Variants in LAMB3 observed in about 807,000 individuals in gnomAD.
LAMB3 encodes laminin subunit beta-3.
LAMB3 carries 104 observed loss-of-function variants against 140.3 expected under a neutral mutation model. The ratio of observed to expected loss-of-function variants is 0.74; its 90% CI spans 0.63 to 0.87. The LOEUF (loss-of-function observed/expected upper bound fraction) is 0.87, where lower values mean the gene tolerates loss of function less well. LAMB3 is among the 40% of genes least tolerant of loss of function. The pLI is 0.00. For missense variants in LAMB3, 1,531 were observed against 1,575.2 expected (o/e 0.97, Z 0.47); for synonymous variants, 592 against 602.9 (o/e 0.98, Z 0.26).
In LAMB3 at chr1:209,647,322, C is replaced by T. The variant is rs145322870; in HGVS notation, c.183+2642G>A. On this transcript the variant is annotated intron_variant, in intron 3 of 22. Transcript: ENST00000356082. ...CTTGGAGGAAGGGAACTAGGAGAGA[C>T]AATTTTGGAACTAAAAGGAGTCTCT... 4.9e-3 allele frequency among the ~76,000 whole-genome samples: 753 copies of T among 152,334 alleles called. 3 individuals are homozygous for T. Among genetic ancestry groups the T allele is most frequent in the African/African-American group, 0.014 (574 of 41,576 alleles).
At chr1:209,651,053 G>T (rs2076562674) in intron 1 of LAMB3, 72 bp from the exon 2 acceptor site, 2 of 995,312 alleles carry the variant, frequency 2.0e-6, no homozygotes, top group Non-Finnish European at 3.2e-6. Flanking sequence ...TTTCTTTTCT[G>T]TTTCTAGACT....
intron 3 of LAMB3, among the ~76,000 whole-genome samples, chr1:209,643,317 T>C (rs2076487601): frequency 6.6e-6 from 1 of 151,490 alleles, no homozygotes; most frequent in African/African-American, 2.4e-5. Flanking sequence ...TGCCCCCATC[T>C]CTCCCAGTGA....
chr1:209,624,086 G>T, intron 14 of LAMB3, 86 bp from the exon 15 acceptor site: 2 of 1,210,954 alleles, frequency 1.7e-6, no homozygotes, highest in Non-Finnish European at 2.4e-6. Context: ...AACTGCTACT[G>T]AGTCAGAACA....
chr1:209,622,443 T>G (rs12073223), intron 18 of LAMB3, 93 bp downstream of exon 18: 56,204 of 1,471,646 alleles, frequency 0.038, 2,855 homozygotes, highest in East Asian at 0.26. Flanking sequence ...GGCCTGGGAC[T>G]AGGGAGGGAG....
At chr1:209,620,093 C>T (rs2102408817) in intron 18 of LAMB3, among the ~76,000 whole-genome samples, 1 of 152,330 alleles carries the variant, frequency 6.6e-6, no homozygotes, top group South Asian at 2.1e-4. Context: ...CCTTCCTTTA[C>T]TCTGCACCAC....
chr1:209,647,618 A>G (rs561665326), intron 3 of LAMB3, among the ~76,000 whole-genome samples: 2 of 152,304 alleles, frequency 1.3e-5, no homozygotes, highest in Admixed American at 1.3e-4. Context: ...AGTGGGAACT[A>G]CTAGAGAGGG....
chr1:209,630,651 T>C lies in LAMB3; in HGVS notation c.907A>G (p.Arg303Gly). ...CAPFYNNRPW[R>G]PAEGQDAHEC... ...TGGGCGTCCTGGCCCTCCGCCGGTC[T>C]CCAGGGCCGGTTGTTGTAGAAGGGT... Residue 303 changes from arginine to glycine, a missense_variant, in exon 9 of 23, where the codon AGA (arginine) becomes GGA (glycine). Physicochemically the swap from Arg to Gly is moderately radical, Grantham distance 125. Coordinates refer to ENST00000356082, the MANE Select transcript of LAMB3 (RefSeq NM_000228.3). 6.2e-7 allele frequency: 1 copy of C among 1,614,134 alleles called. No individual in the cohort carries two copies. The highest frequency in any genetic ancestry group is 8.5e-7 in the Non-Finnish European group (1 of 1,180,014).
intron 3 of LAMB3, among the ~76,000 whole-genome samples, chr1:209,642,175 T>C (rs1244603940): frequency 6.6e-6 from 1 of 152,142 alleles, no homozygotes; most frequent in Non-Finnish European, 1.5e-5. Flanking sequence ...GGAGAAATGA[T>C]TATATTATGT....
In LAMB3 at chr1:209,624,016, A is replaced by C; in HGVS notation, c.1977-16T>G. ...GAGAGTTCGCCTGAGAAGGGAGAGG[A>C]GCTTACACTAAAATATAGGAGGGAG... On this transcript the variant is annotated splice_polypyrimidine_tract_variant and intron_variant, in intron 14 of 22. Coordinates refer to ENST00000356082, the MANE Select transcript of LAMB3 (RefSeq NM_000228.3). 4 of 1,609,208 alleles carry C rather than the reference A, an allele frequency of 2.5e-6. No homozygotes were observed. The highest frequency in any genetic ancestry group is 3.4e-6 in the Non-Finnish European group (4 of 1,179,446).
intron 1 of LAMB3, 34 bp from the exon 2 acceptor site, chr1:209,651,015 T>G: frequency 7.3e-7 from 1 of 1,371,988 alleles, no homozygotes; most frequent in Non-Finnish European, 1.0e-6. Context: ...GGTACAACAG[T>G]GCAAACCCCT....
chr1:209,625,545 A>T, intron 14 of LAMB3, 103 bp downstream of exon 14: 1 of 1,420,980 alleles, frequency 7.0e-7, no homozygotes, highest in Non-Finnish European at 9.9e-7. Flanking sequence ...AAATGCCTTT[A>T]AACTGTAATG....
intron 11 of LAMB3, 44 bp from the exon 12 acceptor site, chr1:209,627,623 A>G (rs1313756473): frequency 1.9e-6 from 3 of 1,588,026 alleles, no homozygotes; most frequent in Non-Finnish European, 2.6e-6. Context: ...GCTCCATGAA[A>G]AACTCACCCC....
At chr1:209,622,728 C>T (rs367848695) in intron 17 of LAMB3, 48 bp from the exon 18 acceptor site, 2 of 1,610,944 alleles carry the variant, frequency 1.2e-6, no homozygotes, top group Non-Finnish European at 1.7e-6. Context: ...CCAAGGGAAC[C>T]TCTCAGCAGC....
intron 3 of LAMB3, among the ~76,000 whole-genome samples, chr1:209,639,642 C>T (rs1014468661): frequency 2.0e-5 from 3 of 151,960 alleles, no homozygotes; most frequent in East Asian, 3.9e-4. Flanking sequence ...CACACACACA[C>T]GCACACGCGT....
In LAMB3 at chr1:209,633,309, T is replaced by C. The variant is rs112738589; in HGVS notation, c.565-176A>G. On this transcript the variant is annotated intron_variant, in intron 6 of 22. Coordinates refer to ENST00000356082, the MANE Select transcript of LAMB3 (RefSeq NM_000228.3). ...TGCTGTGGGGGAGAAAGATGATCACTGGGCCCTAAACGTGTGTGTGTGTGT... is the reference window on the plus strand; with the variant it reads ...TGCTGTGGGGGAGAAAGATGATCACCGGGCCCTAAACGTGTGTGTGTGTGT... Among the ~76,000 whole-genome samples the C allele has an allele frequency of 8.1e-4, 124 of 152,318 alleles. 1 individual carries two copies. The highest frequency in any genetic ancestry group is 2.8e-3 in the African/African-American group (115 of 41,574).
intron 18 of LAMB3, among the ~76,000 whole-genome samples, chr1:209,621,877 A>G (rs1020725199): frequency 3.3e-5 from 5 of 152,208 alleles, no homozygotes. Context: ...CACAGTAGTC[A>G]ACAAGACAGA....
At chr1:209,630,449 T>C in intron 9 of LAMB3, 166 bp downstream of exon 9, 1 of 802,436 alleles carries the variant, frequency 1.2e-6, no homozygotes, top group South Asian at 1.7e-5. Context: ...AAATACTCTC[T>C]CCATCCTCAC....
At position 209,623,838 on chromosome 1, in the gene LAMB3, A is replaced by G; in HGVS notation, c.2137+2T>C. ...GGGTTATCCGGGTGCCCCTCTCCTC[A>G]CCTGAAGGATCAGCACTGCTTATTT... is the stretch of plus-strand genomic sequence containing the variant. On this transcript the variant is annotated splice_donor_variant, in intron 15 of 22. Coordinates refer to ENST00000356082, the MANE Select transcript of LAMB3 (RefSeq NM_000228.3). LOFTEE classifies it high-confidence loss of function. This position sits in a 1 kb window ranked among gnomAD's most constrained non-coding sequence, Gnocchi z 4.2. 1 of 1,614,148 alleles carries G rather than the reference A, an allele frequency of 6.2e-7. No individual in the cohort carries two copies. Among genetic ancestry groups the G allele is most frequent in the Non-Finnish European group, 8.5e-7 (1 of 1,180,012 alleles).
intron 8 of LAMB3, among the ~76,000 whole-genome samples, chr1:209,631,972 C>G (rs1033279566): frequency 6.6e-6 from 1 of 152,254 alleles, no homozygotes; most frequent in African/African-American, 2.4e-5. Context: ...TCAAGGTTCT[C>G]TCTTCTCTAC....
Sources: allele counts gnomAD v4.1 joint callset (sites outside exome capture counted in the v4.1 genomes callset), GRCh38; gene constraint gnomAD v4.1.1; non-coding constraint Gnocchi (gnomAD v3.1); transcripts MANE v1.5; gene names NCBI Gene and HGNC (gene_info 2026-07-23, HGNC 2026-07-21).